The following APP variants were observed in gnomAD, a reference collection of about 807,000 sequenced individuals.
APP encodes the protein amyloid beta precursor protein, also known as amyloid-beta precursor protein.
In APP, 31 loss-of-function variants were observed where a neutral mutation model predicts 101.4. The observed-to-expected ratio is 0.31, with a 90% CI of 0.23 to 0.41. The LOEUF is 0.41. Ranked by LOEUF, APP falls within the 10% of genes least tolerant of loss-of-function variation. The probability of loss-of-function intolerance (pLI) is 1.00; values close to 1 mark genes in which losing one functional copy is unlikely to be tolerated. For synonymous variants in APP, 366 were observed against 364.4 expected, an observed-to-expected ratio of 1.00 and a Z score of -0.05; for missense variants, 839 against 1,003.7, an observed-to-expected ratio of 0.84 and a Z score of 2.22.
intron 2 of APP, among the ~76,000 whole-genome samples, chr21:26,096,719 T>C (rs1159898978): frequency 1.3e-5 from 2 of 151,890 alleles, no homozygotes; most frequent in African/African-American, 4.8e-5. Context: ...GAGGCTGCAG[T>C]GAACTGGGAT....
At chr21:25,966,801 A>G (rs45459292) in intron 11 of APP, among the ~76,000 whole-genome samples, 1,560 of 152,338 alleles carry the variant, frequency 0.01, 19 homozygotes, top group Non-Finnish European at 0.015. Context: ...TTTAGAAAAG[A>G]AAGGTACACC....
chr21:25,913,461 G>A (rs974912290), intron 13 of APP, among the ~76,000 whole-genome samples: 1 of 152,176 alleles, frequency 6.6e-6, no homozygotes, highest in Non-Finnish European at 1.5e-5. Flanking sequence ...CAAAGCCATA[G>A]GTAGCGGCTA....
intron 2 of APP, among the ~76,000 whole-genome samples, chr21:26,091,286 C>G (rs577386041): frequency 6.6e-6 from 1 of 152,110 alleles, no homozygotes; most frequent in Non-Finnish European, 1.5e-5. Context: ...AATCTGAGTC[C>G]ACTGATCACA....
chr21:25,909,429 A>C (rs1034353922), intron 14 of APP, among the ~76,000 whole-genome samples: 5 of 152,192 alleles, frequency 3.3e-5, no homozygotes, highest in African/African-American at 1.2e-4. Context: ...ACCAGATTCT[A>C]CTGTTCAAAC....
At chr21:26,078,861 C>T (rs757639871) in intron 3 of APP, among the ~76,000 whole-genome samples, 62 of 152,150 alleles carry the variant, frequency 4.1e-4, no homozygotes, top group Admixed American at 4.6e-4. Flanking sequence ...CTGACCAACA[C>T]GGAGAAACCC....
At chr21:25,992,394 A>C (rs1382856911) in intron 8 of APP, among the ~76,000 whole-genome samples, 5 of 152,154 alleles carry the variant, frequency 3.3e-5, no homozygotes, top group Non-Finnish European at 7.4e-5. Context: ...TCTCAAAAAA[A>C]AAAAAAAATT....
At chr21:25,916,207 G>A (rs1207065872) in intron 13 of APP, among the ~76,000 whole-genome samples, 2 of 152,118 alleles carry the variant, frequency 1.3e-5, no homozygotes, top group African/African-American at 2.4e-5. Context: ...TCTCCATGTT[G>A]GCCAGGCTGG....
intron 9 of APP, among the ~76,000 whole-genome samples, chr21:25,976,239 T>C (rs1297927828): frequency 1.3e-5 from 2 of 152,212 alleles, no homozygotes; most frequent in African/African-American, 2.4e-5. Context: ...TAAATGTTCA[T>C]ATTTATTGCA....
intron 8 of APP, among the ~76,000 whole-genome samples, chr21:25,995,738 C>A (rs1045724973): frequency 1.3e-5 from 2 of 152,124 alleles, no homozygotes; most frequent in Non-Finnish European, 2.9e-5. Context: ...GCTTTTTTCA[C>A]AACAGCAAAA....
Position 25,897,606 on chromosome 21 carries a change from A to C in APP, c.2031T>G (p.His677Gln). The change falls in exon 16 of 18, where the codon CAT becomes CAG. Residue 677 changes from histidine (H) to glutamine (Q), a missense_variant. Transcript: ENST00000346798. ...GATGATGAACTTCATATCCTGAGTC[A>C]TGTCGGAATTCTGCATCCATCTTCA... Reference protein sequence around the residue: ...SEVKMDAEFRHDSGYEVHHQK... With the variant: ...SEVKMDAEFRQDSGYEVHHQK... 6.2e-7 allele frequency: 1 copy of C among 1,614,014 alleles called. No individual in the cohort carries two copies. The highest frequency in any genetic ancestry group is 8.5e-7 in the Non-Finnish European group (1 of 1,179,906).
At chr21:25,949,704 A>C (rs2040980309) in intron 13 of APP, among the ~76,000 whole-genome samples, 1 of 152,156 alleles carries the variant, frequency 6.6e-6, no homozygotes. Flanking sequence ...CACAGGATGG[A>C]GGGTTAGTAG....
intron 15 of APP, among the ~76,000 whole-genome samples, chr21:25,900,566 T>C (rs1029231970): frequency 1.3e-5 from 2 of 149,436 alleles, no homozygotes; most frequent in African/African-American, 4.9e-5. Context: ...TCTCCAAAAA[T>C]AAATAAATAA....
At chr21:25,904,505 T>C (rs2038681757) in intron 15 of APP, among the ~76,000 whole-genome samples, 1 of 152,240 alleles carries the variant, frequency 6.6e-6, no homozygotes, top group Admixed American at 6.5e-5. Context: ...AAGATGTATT[T>C]TGGGCTCTGG....
At chr21:25,900,987 C>CAAAAAAAAAAAAAAAAAAAAAA (rs71183520) in intron 15 of APP, among the ~76,000 whole-genome samples, 26 of 118,566 alleles carry the variant, frequency 2.2e-4, no homozygotes, top group East Asian at 1.9e-3. Context: ...GACTCCATCT[C>CAAAAAAAAAAAAAAAAAAAAAA]AAAAAAAAAA....
At chr21:25,944,053 C>T (rs777524681) in intron 13 of APP, among the ~76,000 whole-genome samples, 1 of 150,704 alleles carries the variant, frequency 6.6e-6, no homozygotes, top group Non-Finnish European at 1.5e-5. Flanking sequence ...CAACCAAAAG[C>T]AAAGACACAA....
At chr21:25,905,982 G>A (rs752472048) in intron 14 of APP, among the ~76,000 whole-genome samples, 12 of 152,082 alleles carry the variant, frequency 7.9e-5, no homozygotes, top group Non-Finnish European at 1.8e-4. Flanking sequence ...AAGCTGCTTT[G>A]GTAAGGTGGC....
At chr21:26,115,325 TC>T (rs11330850) in intron 1 of APP, among the ~76,000 whole-genome samples, 96,521 of 151,738 alleles carry the variant, frequency 0.64, 31,221 homozygotes, top group East Asian at 0.76. Context: ...TAAAATTTTT[TC>T]CCCCCGAACC....
At chr21:25,904,961 GACA>G in intron 15 of APP, 60 bp downstream of exon 15, 1 of 1,407,276 alleles carries the variant, frequency 7.1e-7, no homozygotes, top group South Asian at 1.2e-5. Context: ...GCAGAAAGGA[GACA>G]ACGTCTGCTC....
intron 1 of APP, among the ~76,000 whole-genome samples, chr21:26,124,309 C>T (rs2062637368): frequency 6.6e-6 from 1 of 152,100 alleles, no homozygotes; most frequent in African/African-American, 2.4e-5. Flanking sequence ...CTGTCTTTAC[C>T]AATTCCTAAA....
Sources: gnomAD v4.1 joint callset for allele counts (sites outside exome capture counted in the v4.1 genomes callset) on GRCh38, gnomAD v4.1.1 for gene constraint, MANE v1.5 for transcripts, NCBI Gene and HGNC (gene_info 2026-07-23, HGNC 2026-07-21) for gene names.